TUT7: variants seen among roughly 807,000 people sequenced by gnomAD.
TUT7 encodes terminal uridylyl transferase 7.
Under a neutral mutation model 165.9 loss-of-function variants are expected in TUT7, and 33 were observed. That is an observed-to-expected ratio of 0.20 (90% CI 0.15 to 0.27). The LOEUF (loss-of-function observed/expected upper bound fraction) is 0.27, where lower values mean the gene tolerates loss of function less well. Among genes scored for constraint, TUT7 ranks in the 10% least tolerant of loss-of-function variants. The pLI is 1.00. For synonymous variants in TUT7, 552 were observed against 608.1 expected (o/e 0.91, Z 1.36); for missense variants, 1,338 against 1,762.3 (o/e 0.76, Z 4.31).
intron 26 of TUT7, among the ~76,000 whole-genome samples, chr9:86,300,928 A>G (rs554072149): frequency 6.6e-6 from 1 of 152,320 alleles, no homozygotes; most frequent in Admixed American, 6.5e-5. Flanking sequence ...CTGTGATTTG[A>G]TTTCACAAGT....
intron 10 of TUT7, among the ~76,000 whole-genome samples, chr9:86,330,476 A>C (rs947999355): frequency 1.3e-5 from 2 of 152,206 alleles, no homozygotes; most frequent in Non-Finnish European, 2.9e-5. Context: ...ACTTTGGAAA[A>C]TATTAGGCGT....
chr9:86,288,656 G>A lies in TUT7; in HGVS notation c.*21C>T. On this transcript the variant is annotated 3_prime_UTR_variant, in exon 27 of 27. Transcript: ENST00000375963. The stretch of plus-strand genomic sequence containing the variant: ...ATAGGAACGCCTGAGTGGCCATTTA[G>A]AGTGCTGCATTTTCCTTCCCTCATG... 6.2e-7 allele frequency: 1 copy of A among 1,608,572 alleles called. No homozygotes were observed. Among genetic ancestry groups the A allele is most frequent in the South Asian group, 1.1e-5 (1 of 90,850 alleles).
At chr9:86,321,145 G>C (rs1199959562) in intron 14 of TUT7, among the ~76,000 whole-genome samples, 1 of 151,682 alleles carries the variant, frequency 6.6e-6, no homozygotes, top group Non-Finnish European at 1.5e-5. Context: ...TGGAGGTCAG[G>C]AGTTTGAGAC....
At chr9:86,324,095 TA>T (rs1016594329) in intron 12 of TUT7, 135 bp from the exon 13 acceptor site, 72 of 844,052 alleles carry the variant, frequency 8.5e-5, no homozygotes, top group South Asian at 2.4e-4. Context: ...TTTATAGACT[TA>T]AAAAAAAACT....
chr9:86,353,281 A>G, intron 1 of TUT7, 51 bp from the exon 2 acceptor site: 1 of 1,397,298 alleles, frequency 7.2e-7, no homozygotes, highest in South Asian at 1.5e-5. Context: ...AAGATATCAT[A>G]CAAGTATACA....
chr9:86,313,960 G>A (rs762923524), intron 17 of TUT7, among the ~76,000 whole-genome samples: 1 of 152,168 alleles, frequency 6.6e-6, no homozygotes, highest in Non-Finnish European at 1.5e-5. Context: ...TTAATCTGAT[G>A]GGGAAAGGGG....
chr9:86,351,983 A>G (rs1320307272), intron 2 of TUT7, among the ~76,000 whole-genome samples: 1 of 152,148 alleles, frequency 6.6e-6, no homozygotes, highest in Non-Finnish European at 1.5e-5. Flanking sequence ...TTTTAGAAAA[A>G]CATATTATCT....
At position 86,353,017 on chromosome 9, in the gene TUT7, A is replaced by G; in HGVS notation, c.183T>C (p.Tyr61=). 1.2e-6 allele frequency: 2 copies of G among 1,614,206 alleles called. No individual in the cohort carries two copies. Among genetic ancestry groups the G allele is most frequent in the Non-Finnish European group, 1.7e-6 (2 of 1,180,038 alleles). ...ATGGTCCTTTTCTGGGGGTATTCCC[A>G]TAGTTCCCTGGTGTTATCTTCTTTT... ...LQKKKITPGN[Y]GNTPRKGPCA... Residue 61 remains tyrosine (Y), a synonymous_variant, in exon 2 of 27, where the codon TAT becomes TAC. Coordinates refer to ENST00000375963, the MANE Select transcript of TUT7 (RefSeq NM_024617.4).
chr9:86,351,485 T>C (rs1832297509), intron 2 of TUT7, among the ~76,000 whole-genome samples: 3 of 152,168 alleles, frequency 2.0e-5, no homozygotes, highest in African/African-American at 4.8e-5. Flanking sequence ...TAGAAGTATC[T>C]GTGAAAAAAG....
intron 2 of TUT7, among the ~76,000 whole-genome samples, chr9:86,349,858 T>C (rs1420808076): frequency 6.6e-6 from 1 of 152,132 alleles, no homozygotes; most frequent in East Asian, 1.9e-4. Flanking sequence ...AACTTTTGAA[T>C]TACCTCCAAT....
chr9:86,347,588 G>C (rs77047217), intron 2 of TUT7, among the ~76,000 whole-genome samples: 2 of 151,964 alleles, frequency 1.3e-5, no homozygotes, highest in African/African-American at 4.8e-5. Context: ...GAGCGCTAAA[G>C]GATAAGCAGC....
intron 10 of TUT7, among the ~76,000 whole-genome samples, chr9:86,330,296 G>T (rs1830194716): frequency 6.6e-6 from 1 of 152,088 alleles, no homozygotes; most frequent in Non-Finnish European, 1.5e-5. Context: ...CTGACCTCAG[G>T]TGATCCACCC....
At chr9:86,296,350 TCTC>T (rs2131273487) in intron 26 of TUT7, among the ~76,000 whole-genome samples, 1 of 152,346 alleles carries the variant, frequency 6.6e-6, no homozygotes, top group East Asian at 1.9e-4. Context: ...TCTTGACCAT[TCTC>T]CTGCTTTGTC....
intron 16 of TUT7, among the ~76,000 whole-genome samples, chr9:86,317,604 C>T (rs1051139225): frequency 3.3e-5 from 5 of 152,122 alleles, no homozygotes; most frequent in South Asian, 2.1e-4. Flanking sequence ...TAATATCACT[C>T]GGATGTACCC....
intron 17 of TUT7, among the ~76,000 whole-genome samples, chr9:86,313,101 G>T (rs1362988722): frequency 6.6e-6 from 1 of 150,408 alleles, no homozygotes; most frequent in Non-Finnish European, 1.5e-5. Context: ...ATCCCCCTCT[G>T]CGAGAAACAC....
In TUT7 at chr9:86,310,066, G is replaced by GTC. The variant is rs779774995; in HGVS notation, c.3379-51_3379-50dup. The GTC allele has an allele frequency of 7.9e-6, 11 of 1,386,440 alleles. No homozygotes were observed. In the African/African-American group the frequency reaches 1.2e-4, roughly 15 times the overall value. The allele number at this position is 1,386,440 out of a possible 1,614,324, so 85.9% of individuals were successfully genotyped here. ...TAAGACTAACAATGAAGTGTAAAGG[G>GTC]TCTCTTTTTTTTTTTTGGTTGTTGT... is the stretch of plus-strand genomic sequence containing the variant. On this transcript the variant is annotated intron_variant, in intron 18 of 26. Transcript: ENST00000375963.
At chr9:86,314,531 T>C (rs1211679771) in intron 17 of TUT7, among the ~76,000 whole-genome samples, 13 of 152,244 alleles carry the variant, frequency 8.5e-5, no homozygotes, top group African/African-American at 3.1e-4. Flanking sequence ...CAAACATTCC[T>C]GGTTCTCAAA....
chr9:86,334,757 C>T (rs1033352055), intron 10 of TUT7, among the ~76,000 whole-genome samples: 1 of 152,080 alleles, frequency 6.6e-6, no homozygotes, highest in African/African-American at 2.4e-5. Context: ...AAGGGTTCCA[C>T]TTATCTGTTA....
At chr9:86,298,338 T>G (rs899941872) in intron 26 of TUT7, among the ~76,000 whole-genome samples, 1 of 152,150 alleles carries the variant, frequency 6.6e-6, no homozygotes, top group Non-Finnish European at 1.5e-5. Context: ...TGGATAGCTA[T>G]TTGTTGAAAG....
Sources: gnomAD v4.1 joint callset for allele counts (sites outside exome capture counted in the v4.1 genomes callset) on GRCh38, gnomAD v4.1.1 for gene constraint, MANE v1.5 for transcripts, NCBI Gene and HGNC (gene_info 2026-07-23, HGNC 2026-07-21) for gene names.